Variants in PHACTR3 observed in about 807,000 individuals in gnomAD.
The protein encoded by PHACTR3 is protein phosphatase 1, regulatory subunit 123.
In PHACTR3, 16 loss-of-function variants were observed where a neutral mutation model predicts 66.8. The observed-to-expected ratio is 0.24, with a 90% CI of 0.16 to 0.36. The LOEUF (loss-of-function observed/expected upper bound fraction) is 0.36. Ranked by LOEUF, PHACTR3 falls within the 10% of genes least tolerant of loss-of-function variation. The pLI, the probability that PHACTR3 is intolerant of heterozygous loss-of-function variation, is 1.00. For missense variants in PHACTR3, 647 were observed against 719.9 expected, an observed-to-expected ratio of 0.90 and a Z score of 1.16; for synonymous variants, 323 against 292.1, an observed-to-expected ratio of 1.11 and a Z score of -1.08.
intron 8 of PHACTR3, among the ~76,000 whole-genome samples, chr20:59,832,226 G>A (rs2042405124): frequency 6.6e-6 from 1 of 151,982 alleles, no homozygotes; most frequent in Non-Finnish European, 1.5e-5. Flanking sequence ...GAGCCTCAAG[G>A]GTCTCGCCTG....
chr20:59,668,601 G>A (rs138554130), intron 1 of PHACTR3, among the ~76,000 whole-genome samples: 6 of 152,280 alleles, frequency 3.9e-5, no homozygotes, highest in Admixed American at 2.0e-4. Context: ...TCCATATTAG[G>A]CCAGGTCCTC....
intron 1 of PHACTR3, among the ~76,000 whole-genome samples, chr20:59,716,812 A>G (rs535739909): frequency 1.7e-4 from 26 of 152,332 alleles, no homozygotes; most frequent in South Asian, 6.2e-4. Flanking sequence ...CTTGTGCCCA[A>G]TGCAAAACCA....
At chr20:59,635,099 CTCTCTTTCTTTCTTTCTT>C (rs1190366580) in intron 1 of PHACTR3, among the ~76,000 whole-genome samples, 2 of 125,806 alleles carry the variant, frequency 1.6e-5, no homozygotes, top group African/African-American at 5.9e-5. Context: ...CTTTCTTTCT[CTCTCTTTCTTTCTTTCTT>C]TCTTTCTTTC....
intron 7 of PHACTR3, among the ~76,000 whole-genome samples, chr20:59,778,103 C>G (rs960782663): frequency 6.6e-6 from 1 of 152,184 alleles, no homozygotes; most frequent in African/African-American, 2.4e-5. Flanking sequence ...CGGGTCCAGC[C>G]AACTCCCTCT....
chr20:59,817,601 CTCCATAAGTGACCTG>C lies in PHACTR3; in HGVS notation c.1328+11408_1328+11422del, dbSNP rs1237031495. The stretch of plus-strand genomic sequence containing the variant: ...AGAGTAGAAGTCACAGACCCAAATG[CTCCATAAGTGACCTG>C]GGCCAGGCAGGGCTGTGGCATCCTG... On this transcript the variant is annotated intron_variant, in intron 8 of 12. Transcript: ENST00000371015. Among the ~76,000 whole-genome samples the C allele has an allele frequency of 2.0e-5, 3 of 152,358 alleles. No homozygotes were observed. The East Asian group carries it at 5.8e-4, about 29-fold the overall frequency.
rs960248320 is a variant in PHACTR3, at chr20:59,826,198, G to A, written c.1329-10307G>A. Among the ~76,000 whole-genome samples, 4 of 152,068 alleles carry A rather than the reference G, an allele frequency of 2.6e-5. 1 individual carries two copies. Among genetic ancestry groups the A allele is most frequent in the Admixed American group, 1.3e-4 (2 of 15,264 alleles). ...TGGGGAGGAGGGAGATCAGTGGGGT[G>A]GGGGAGGGGAGGGGTGCTCAGGGGC... On this transcript the variant is annotated intron_variant, in intron 8 of 12. Coordinates refer to ENST00000371015, the MANE Select transcript of PHACTR3 (RefSeq NM_080672.5).
At position 59,604,877 on chromosome 20, in the gene PHACTR3, C is replaced by CTTTTTTTTTTT; in HGVS notation, c.-126_-116dup. On this transcript the variant is annotated 5_prime_UTR_variant, in exon 1 of 13. Transcript: ENST00000371015. The stretch of plus-strand genomic sequence containing the variant: ...TCTCCAGCTCGTTTCCTTTCCCGGC[C>CTTTTTTTTTTT]TTTTTTTTTTTTTTTTTTTTTTAAT... 1 of 977,878 alleles carries CTTTTTTTTTTT rather than the reference C, an allele frequency of 1.0e-6. No homozygotes were observed. Among genetic ancestry groups the CTTTTTTTTTTT allele is most frequent in the Non-Finnish European group, 1.2e-6 (1 of 829,298 alleles). The allele number at this position is 977,878 out of a possible 1,614,324, so 60.6% of individuals were successfully genotyped here.
intron 1 of PHACTR3, among the ~76,000 whole-genome samples, chr20:59,659,138 C>G (rs189592050): frequency 6.6e-6 from 1 of 152,050 alleles, no homozygotes; most frequent in African/African-American, 2.4e-5. Context: ...ACTGCTATCA[C>G]GATTATTTCA....
At chr20:59,775,783 G>C (rs1212627818) in intron 7 of PHACTR3, among the ~76,000 whole-genome samples, 1 of 152,170 alleles carries the variant, frequency 6.6e-6, no homozygotes, top group African/African-American at 2.4e-5. Flanking sequence ...CCAGCAGGAG[G>C]GTGCTATGAG....
intron 1 of PHACTR3, among the ~76,000 whole-genome samples, chr20:59,658,697 C>T (rs749403212): frequency 1.2e-4 from 18 of 152,178 alleles, no homozygotes; most frequent in Admixed American, 2.0e-4. Flanking sequence ...AGCTATTAGG[C>T]TCCACTAACT....
At position 59,609,232 on chromosome 20, in the gene PHACTR3, C is replaced by T. The variant is rs2033774224; in HGVS notation, c.118+4100C>T. ...CTGTCATGAGCTACAGACGGATGCA[C>T]AGACACATTCCCCAGGCCCTGGGCT... On this transcript the variant is annotated intron_variant, in intron 1 of 12. Coordinates refer to ENST00000371015, the MANE Select transcript of PHACTR3 (RefSeq NM_080672.5). Among the ~76,000 whole-genome samples the T allele has an allele frequency of 2.0e-5, 3 of 152,220 alleles. No homozygotes were observed. The South Asian group carries it at 6.2e-4, about 32-fold the overall frequency.
intron 1 of PHACTR3, among the ~76,000 whole-genome samples, chr20:59,728,313 A>G (rs187381920): frequency 6.6e-6 from 1 of 152,214 alleles, no homozygotes; most frequent in East Asian, 1.9e-4. Flanking sequence ...AGAGCGTAAC[A>G]TGGTGCAGTC....
At chr20:59,742,372 G>A (rs548346928) in intron 1 of PHACTR3, among the ~76,000 whole-genome samples, 1 of 152,332 alleles carries the variant, frequency 6.6e-6, no homozygotes, top group South Asian at 2.1e-4. Context: ...TTCCTAGGAC[G>A]TTCATCTTCA....
chr20:59,714,620 C>T (rs1159818365), intron 1 of PHACTR3, among the ~76,000 whole-genome samples: 1 of 152,156 alleles, frequency 6.6e-6, no homozygotes, highest in Non-Finnish European at 1.5e-5. Context: ...AGTGGAAATC[C>T]TACCACTTTG....
chr20:59,597,668 T>G lies in PHACTR3; in HGVS notation c.109+20051T>G, dbSNP rs542340259. On this transcript the variant is annotated intron_variant, in intron 1 of 12. Transcript: ENST00000359926. ...TGGTAAGAGCTAAGTGTTAAGTAAATGAAAACCCTACTATCAGAGGCCTAT... is the reference window on the plus strand; with the variant it reads ...TGGTAAGAGCTAAGTGTTAAGTAAAGGAAAACCCTACTATCAGAGGCCTAT... Among the ~76,000 whole-genome samples the G allele has an allele frequency of 3.3e-5, 5 of 152,356 alleles. No homozygotes were observed. The South Asian group carries it at 6.2e-4, about 19-fold the overall frequency.
At chr20:59,728,605 T>C (rs183103276) in intron 1 of PHACTR3, among the ~76,000 whole-genome samples, 4 of 152,216 alleles carry the variant, frequency 2.6e-5, no homozygotes, top group East Asian at 3.9e-4. Flanking sequence ...TTAACTCCTA[T>C]TGATTTTTTC....
chr20:59,751,382 C>T (rs1437893799), intron 3 of PHACTR3, among the ~76,000 whole-genome samples: 2 of 152,162 alleles, frequency 1.3e-5, no homozygotes, highest in African/African-American at 4.8e-5. Context: ...ACTCCAGAGC[C>T]TCATTTGAGC....
chr20:59,635,361 A>G lies in PHACTR3; in HGVS notation c.118+30229A>G, dbSNP rs150542198. Among the ~76,000 whole-genome samples the G allele has an allele frequency of 8.5e-3, 1,269 of 148,976 alleles. 27 individuals carry two copies. The highest frequency in any genetic ancestry group is 0.028 in the African/African-American group (1,138 of 40,276). Reference sequence around the variant, plus strand: ...GCAATTCTTTTGTCTCAGCATCCCAATAGTTGGGATTACGGGCGTGCACCA... The same window carrying G: ...GCAATTCTTTTGTCTCAGCATCCCAGTAGTTGGGATTACGGGCGTGCACCA... On this transcript the variant is annotated intron_variant, in intron 1 of 12. Transcript: ENST00000371015.
intron 8 of PHACTR3, among the ~76,000 whole-genome samples, chr20:59,827,811 G>A (rs1008952089): frequency 9.9e-5 from 15 of 152,154 alleles, no homozygotes; most frequent in Non-Finnish European, 1.5e-4. Context: ...ACACCTTCCC[G>A]ACATCAGAAG....
Sources: gnomAD v4.1 joint callset for allele counts (sites outside exome capture counted in the v4.1 genomes callset) on GRCh38, gnomAD v4.1.1 for gene constraint, MANE v1.5 for transcripts, NCBI Gene and HGNC (gene_info 2026-07-23, HGNC 2026-07-21) for gene names.